Variants in ARHGAP32 observed in about 807,000 individuals in gnomAD.
ARHGAP32 encodes rho GTPase-activating protein 32.
In ARHGAP32, 51 loss-of-function variants were observed where a neutral mutation model predicts 186.5. That is an observed-to-expected ratio of 0.27 (90% confidence interval 0.22 to 0.35). The LOEUF is 0.35. Among genes scored for constraint, ARHGAP32 ranks in the 10% least tolerant of loss-of-function variants. The pLI, the probability that ARHGAP32 is intolerant of heterozygous loss-of-function variation, is 1.00. For synonymous variants in ARHGAP32, 950 were observed against 964.3 expected (o/e 0.99, Z 0.27); for missense variants, 2,186 against 2,623.5 (o/e 0.83, Z 3.64).
intron 11 of ARHGAP32, among the ~76,000 whole-genome samples, chr11:129,022,180 T>C (rs1479346263): frequency 2.6e-5 from 4 of 152,252 alleles, no homozygotes; most frequent in East Asian, 1.9e-4. Context: ...TACCAAAATA[T>C]ACATTAGTTC....
At chr11:129,183,708 TG>T (rs1460369089) in intron 1 of ARHGAP32, among the ~76,000 whole-genome samples, 1 of 152,120 alleles carries the variant, frequency 6.6e-6, no homozygotes, top group East Asian at 1.9e-4. Flanking sequence ...TATTTTTTTC[TG>T]GAAGACCCCA....
chr11:129,043,723 A>G lies in ARHGAP32; in HGVS notation c.964-2714T>C, dbSNP rs1241288506. Among the ~76,000 whole-genome samples the G allele has an allele frequency of 2.0e-5, 3 of 151,862 alleles. No homozygotes were observed. The East Asian group carries it at 5.8e-4, about 29-fold the overall frequency. On this transcript the variant is annotated intron_variant, in intron 10 of 22. Transcript: ENST00000682385. ...TTTCTTGAAGGAGAATTGCTTGCAT[A>G]TTTCTTCTCTGCCTTCACAGAAGGC...
At position 128,976,540 on chromosome 11, in the gene ARHGAP32, ATGAC is replaced by A. The variant is rs1265546768; in HGVS notation, c.2194+19_2194+22del. On this transcript the variant is annotated intron_variant, in intron 20 of 22. Transcript: ENST00000682385. The stretch of plus-strand genomic sequence containing the variant: ...TTTATGCAATATATTATAGAATAAA[ATGAC>A]TGATGCTTTTAGTCTTACCATCAAC... 3 of 1,592,908 alleles carry A rather than the reference ATGAC, an allele frequency of 1.9e-6. No homozygotes were observed. The highest frequency in any genetic ancestry group is 2.6e-6 in the Non-Finnish European group (3 of 1,161,140).
At chr11:128,997,771 G>A (rs190862818) in intron 12 of ARHGAP32, among the ~76,000 whole-genome samples, 32 of 152,274 alleles carry the variant, frequency 2.1e-4, no homozygotes, top group Admixed American at 1.7e-3. Context: ...GCCAGGTGTG[G>A]TGGCACATGC....
chr11:129,248,322 T>C (rs1473476100), intron 1 of ARHGAP32, among the ~76,000 whole-genome samples: 2 of 152,078 alleles, frequency 1.3e-5, no homozygotes, highest in Admixed American at 1.3e-4. Context: ...CATTCCCTAA[T>C]ATCCAACTCA....
At chr11:129,087,616 C>T (rs374678358) in intron 6 of ARHGAP32, among the ~76,000 whole-genome samples, 27 of 152,208 alleles carry the variant, frequency 1.8e-4, no homozygotes, top group South Asian at 1.5e-3. Context: ...CAGAGGGACA[C>T]GGAGGATTTT....
chr11:128,979,297 CAAA>C (rs1945643441), intron 18 of ARHGAP32, among the ~76,000 whole-genome samples: 1 of 152,014 alleles, frequency 6.6e-6, no homozygotes, highest in Non-Finnish European at 1.5e-5. Flanking sequence ...TAAAGGCAAA[CAAA>C]GAAGACAAGG....
intron 1 of ARHGAP32, among the ~76,000 whole-genome samples, chr11:129,249,230 T>C (rs1410175776): frequency 1.4e-4 from 21 of 152,078 alleles, no homozygotes; most frequent in Admixed American, 1.4e-3. Flanking sequence ...CTTTGCAGTC[T>C]ATAAGGTGAA....
intron 2 of ARHGAP32, among the ~76,000 whole-genome samples, chr11:129,133,232 T>G (rs900378059): frequency 6.6e-6 from 1 of 152,176 alleles, no homozygotes; most frequent in African/African-American, 2.4e-5. Flanking sequence ...ATAGTTAATT[T>G]TTTTAAAAGA....
rs537504887 is a variant in ARHGAP32 at position 129,054,931 on chromosome 11, G to A, written c.963+7349C>T. On this transcript the variant is annotated intron_variant, in intron 10 of 22. Coordinates refer to ENST00000682385, the MANE Select transcript of ARHGAP32 (RefSeq NM_001378024.1). ...GATGAACTTATCCTTCTGTTCCCACGGCTAAATTATGGTCTGGGCTAGTGC... is the reference window on the plus strand; with the variant it reads ...GATGAACTTATCCTTCTGTTCCCACAGCTAAATTATGGTCTGGGCTAGTGC... 9.9e-5 allele frequency among the ~76,000 whole-genome samples: 15 copies of A among 152,250 alleles called. No individual in the cohort carries two copies. In the South Asian group the frequency reaches 1.2e-3, roughly 13 times the overall value.
upstream of ARHGAP32, among the ~76,000 whole-genome samples, chr11:129,193,726 ATATATAAT>A (rs1944349618): frequency 4.7e-5 from 4 of 85,708 alleles, no homozygotes; most frequent in African/African-American, 1.8e-4. Flanking sequence ...ATTATATATT[ATATATAAT>A]ATATATTATA....
At chr11:129,197,000 T>C (rs914640868), upstream of ARHGAP32, among the ~76,000 whole-genome samples, 9 of 151,998 alleles carry the variant, frequency 5.9e-5, no homozygotes, top group Non-Finnish European at 1.5e-5. Context: ...GAGGTTGCAA[T>C]GAGCCAAGAG....
chr11:129,090,730 A>G (rs549697032), intron 6 of ARHGAP32, among the ~76,000 whole-genome samples: 2 of 152,304 alleles, frequency 1.3e-5, no homozygotes, highest in African/African-American at 2.4e-5. Flanking sequence ...ATAAAGCACT[A>G]AAAGACAGAA....
rs771009084 is a variant in ARHGAP32 at position 128,969,315 on chromosome 11, C to A, written c.5898G>T (p.Trp1966Cys). The change falls in exon 23 of 23, where the codon TGG becomes TGT. Residue 1966 changes from tryptophan to cysteine, a missense_variant. Trp to Cys is a radical substitution (Grantham distance 215). Coordinates refer to ENST00000682385, the MANE Select transcript of ARHGAP32 (RefSeq NM_001378024.1). The surrounding 1 kb of genome is among the most constrained non-coding windows in gnomAD (Gnocchi z 4.8). ...TCTCTGGGGCAGAAGGCTGCCTAAC[C>A]CAGGGTCGCTCCATCTCTTTGGAGA... ...VRLSKEMERP[W>C]VRQPSAPEKH... The A allele has an allele frequency of 1.4e-5, 22 of 1,614,212 alleles. No individual in the cohort carries two copies. Among genetic ancestry groups the A allele is most frequent in the Non-Finnish European group, 1.9e-5 (22 of 1,180,034 alleles).
chr11:129,090,504 T>C (rs1941543526), intron 6 of ARHGAP32, among the ~76,000 whole-genome samples: 1 of 152,178 alleles, frequency 6.6e-6, no homozygotes, highest in Non-Finnish European at 1.5e-5. Context: ...GAACCATTAA[T>C]ATCAACTACT....
chr11:129,166,215 C>G (rs1943637359), intron 1 of ARHGAP32, among the ~76,000 whole-genome samples: 1 of 150,356 alleles, frequency 6.7e-6, no homozygotes, highest in Non-Finnish European at 1.5e-5. Flanking sequence ...AAAAAAGGAA[C>G]AGAAAATACA....
intron 1 of ARHGAP32, among the ~76,000 whole-genome samples, chr11:129,264,392 T>C (rs372532761): frequency 1.6e-4 from 24 of 152,350 alleles, no homozygotes; most frequent in Non-Finnish European, 2.2e-4. Context: ...TTATTTTATG[T>C]ATATTTTACT....
chr11:129,271,401 T>A (rs915307381), intron 1 of ARHGAP32, among the ~76,000 whole-genome samples: 1 of 152,126 alleles, frequency 6.6e-6, no homozygotes, highest in Non-Finnish European at 1.5e-5. Context: ...TCCGGGGTTC[T>A]GGCCTGCGCA....
chr11:129,276,771 C>A (rs1398007520), intron 1 of ARHGAP32, among the ~76,000 whole-genome samples: 1 of 152,182 alleles, frequency 6.6e-6, no homozygotes, highest in African/African-American at 2.4e-5. Context: ...ATCATCTGAT[C>A]CTTCACAGCT....
Sources: gnomAD v4.1 joint callset for allele counts (sites outside exome capture counted in the v4.1 genomes callset) on GRCh38, gnomAD v4.1.1 for gene constraint, Gnocchi (gnomAD v3.1) non-coding constraint, MANE v1.5 for transcripts, NCBI Gene and HGNC (gene_info 2026-07-23, HGNC 2026-07-21) for gene names.